The following WWOX variants were observed in gnomAD, a reference collection of about 807,000 sequenced individuals.
WWOX encodes the protein WW domain-containing oxidoreductase.
Under a neutral mutation model 46.2 loss-of-function variants are expected in WWOX, and 69 were observed. That is an observed-to-expected ratio of 1.49 (90% CI 1.23 to 1.82). WWOX has a LOEUF of 1.82. WWOX is among the 40% of genes most tolerant of loss of function. The probability of loss-of-function intolerance (pLI) is 0.00; values close to 1 mark genes in which losing one functional copy is unlikely to be tolerated. For synonymous variants in WWOX, 359 were observed against 202.6 expected, an observed-to-expected ratio of 1.77 and a Z score of -6.56; for missense variants, 919 against 542.6, an observed-to-expected ratio of 1.69 and a Z score of -6.89.
intron 8 of WWOX, among the ~76,000 whole-genome samples, chr16:78,976,032 GT>G (rs2046566038): frequency 6.6e-6 from 1 of 152,148 alleles, no homozygotes; most frequent in South Asian, 2.1e-4. Context: ...TCAATGGTGC[GT>G]TTAGCCAGCG....
At chr16:78,496,843 C>T (rs1325777859) in intron 8 of WWOX, among the ~76,000 whole-genome samples, 1 of 152,208 alleles carries the variant, frequency 6.6e-6, no homozygotes, top group African/African-American at 2.4e-5. Context: ...CCGGAAACCC[C>T]TTTTGCTGTG....
In WWOX at chr16:78,189,835, A is replaced by G. The variant is rs548340746; in HGVS notation, c.516+25546A>G. ...ACGCTCAGCTAATTTTTGTATGTTTAGTAGAGACGAGGTTTCACCATGTTT... is the reference window on the plus strand; with the variant it reads ...ACGCTCAGCTAATTTTTGTATGTTTGGTAGAGACGAGGTTTCACCATGTTT... On this transcript the variant is annotated intron_variant, in intron 5 of 8. Transcript: ENST00000566780. Among the ~76,000 whole-genome samples, 13 of 152,080 alleles carry G rather than the reference A, an allele frequency of 8.5e-5. No individual in the cohort carries two copies. The East Asian group carries it at 1.2e-3, about 14-fold the overall frequency.
intron 4 of WWOX, among the ~76,000 whole-genome samples, chr16:78,147,615 C>G (rs7197602): frequency 2.0e-5 from 3 of 148,704 alleles, no homozygotes. Context: ...TAATATACCA[C>G]TTTTCGCTTT....
rs1171836510 is a variant in WWOX at position 78,931,897 on chromosome 16, C to G, written c.1057-279711C>G. 3.9e-5 allele frequency among the ~76,000 whole-genome samples: 6 copies of G among 152,272 alleles called. No homozygotes were observed. The South Asian group carries it at 1.2e-3, about 32-fold the overall frequency. On this transcript the variant is annotated intron_variant, in intron 8 of 8. Coordinates refer to ENST00000566780, the MANE Select transcript of WWOX (RefSeq NM_016373.4). ...AATTGGATCATGGGGGTGGGTCTTT[C>G]CCATGCTGTTGTTATGATAGTGAAT...
At chr16:78,616,632 G>A (rs543162596) in intron 8 of WWOX, among the ~76,000 whole-genome samples, 76 of 151,980 alleles carry the variant, frequency 5.0e-4, no homozygotes, top group African/African-American at 1.6e-3. Context: ...AGCCAGGCTC[G>A]GTGGCTTGTG....
At chr16:78,631,087 G>T in intron 8 of WWOX, among the ~76,000 whole-genome samples, 1 of 152,048 alleles carries the variant, frequency 6.6e-6, no homozygotes, top group East Asian at 1.9e-4. Flanking sequence ...AAGTGTACAG[G>T]AGCATCACAT....
At chr16:79,097,390 C>G (rs1486975825) in intron 8 of WWOX, among the ~76,000 whole-genome samples, 1 of 149,594 alleles carries the variant, frequency 6.7e-6, no homozygotes, top group Non-Finnish European at 1.5e-5. Flanking sequence ...CAGCCCATGG[C>G]AGAAGAGTCT....
At chr16:78,605,468 A>AT (rs1048652723) in intron 8 of WWOX, among the ~76,000 whole-genome samples, 87 of 149,044 alleles carry the variant, frequency 5.8e-4, no homozygotes, top group East Asian at 1.8e-3. Context: ...ACTCCAGCCT[A>AT]TTTTTTTTTT....
intron 5 of WWOX, among the ~76,000 whole-genome samples, chr16:78,229,138 A>G (rs2037163960): frequency 6.6e-6 from 1 of 151,936 alleles, no homozygotes; most frequent in African/African-American, 2.4e-5. Flanking sequence ...AACCTCTCCC[A>G]TTGGTTGAAT....
intron 8 of WWOX, chr16:79,016,748 C>G (rs577717499): frequency 2.0e-5 from 3 of 152,310 alleles, no homozygotes; most frequent in East Asian, 1.9e-4. Flanking sequence ...TGTTTTTATC[C>G]TCTTCCCAAG....
At chr16:78,507,894 A>C (rs2085254153) in intron 8 of WWOX, among the ~76,000 whole-genome samples, 1 of 152,058 alleles carries the variant, frequency 6.6e-6, no homozygotes, top group Non-Finnish European at 1.5e-5. Flanking sequence ...ACAGCTTTGA[A>C]TGTGGCCCCA....
At position 78,354,333 on chromosome 16, in the gene WWOX, G is replaced by T. The variant is rs139474935; in HGVS notation, c.517-32527G>T. ...TTAACTTTTTTTTTTTTTTGGTCAG[G>T]TGTGTAGGTATGTGACTGAAACCCA... On this transcript the variant is annotated intron_variant, in intron 5 of 8. Transcript: ENST00000566780. Among the ~76,000 whole-genome samples the T allele has an allele frequency of 1.3e-3, 27 of 21,066 alleles. 1 individual carries two copies. The highest frequency in any genetic ancestry group is 7.3e-3 in the Admixed American group (26 of 3,540). The allele number at this position is 21,066 out of a possible 152,430, so 13.8% of individuals were successfully genotyped here. A position where few individuals can be genotyped will look rare whatever the true frequency, so the allele number is the denominator to read the frequency against.
chr16:78,188,973 G>A (rs1004131772), intron 5 of WWOX, among the ~76,000 whole-genome samples: 1 of 152,304 alleles, frequency 6.6e-6, no homozygotes, highest in East Asian at 1.9e-4. Flanking sequence ...AGGCTGCAGA[G>A]GAGAATGGGG....
rs376618103 is a variant in WWOX at position 78,615,685 on chromosome 16, A to G, written c.1056+182933A>G. Among the ~76,000 whole-genome samples, 34 of 148,908 alleles carry G rather than the reference A, an allele frequency of 2.3e-4. No homozygotes were observed. The South Asian group carries it at 6.1e-3, about 27-fold the overall frequency. On this transcript the variant is annotated intron_variant, in intron 8 of 8. Transcript: ENST00000566780. ...AAATAAATGAAATAAATAAATACAT[A>G]ATAAATAAACAGTAGTGGTTGAAAG... is the stretch of plus-strand genomic sequence containing the variant.
intron 8 of WWOX, among the ~76,000 whole-genome samples, chr16:79,074,295 T>C (rs1338353666): frequency 1.3e-5 from 2 of 151,920 alleles, no homozygotes; most frequent in Non-Finnish European, 2.9e-5. Context: ...CTAATGATGG[T>C]TGGCTGTCAC....
chr16:78,794,828 C>G (rs1420458395), intron 8 of WWOX, among the ~76,000 whole-genome samples: 1 of 152,232 alleles, frequency 6.6e-6, no homozygotes, highest in South Asian at 2.1e-4. Context: ...ACACAGGGCA[C>G]AGAACTGCCA....
At chr16:79,073,618 C>T (rs1219612890) in intron 8 of WWOX, among the ~76,000 whole-genome samples, 1 of 152,168 alleles carries the variant, frequency 6.6e-6, no homozygotes, top group Non-Finnish European at 1.5e-5. Context: ...GTCTGTTCTC[C>T]CTTTATTACC....
intron 8 of WWOX, among the ~76,000 whole-genome samples, chr16:79,128,379 C>CA (rs1186365326): frequency 6.7e-6 from 1 of 148,624 alleles, no homozygotes; most frequent in African/African-American, 2.5e-5. Flanking sequence ...AAACAAAAAA[C>CA]AAAAAACAAA....
At chr16:78,453,005 C>A (rs577156554) in intron 8 of WWOX, among the ~76,000 whole-genome samples, 1 of 151,808 alleles carries the variant, frequency 6.6e-6, no homozygotes, top group African/African-American at 2.4e-5. Context: ...TCTCAGCCTC[C>A]CGAGTAGCTG....
Sources: gnomAD v4.1 joint callset for allele counts (sites outside exome capture counted in the v4.1 genomes callset) on GRCh38, gnomAD v4.1.1 for gene constraint, MANE v1.5 for transcripts, NCBI Gene and HGNC (gene_info 2026-07-23, HGNC 2026-07-21) for gene names.